The following FANCC variants were observed in gnomAD, a reference collection of about 807,000 sequenced individuals.
The protein encoded by FANCC is Fanconi anemia group C protein.
Under a neutral mutation model 71.3 loss-of-function variants are expected in FANCC, and 55 were observed. That is an observed-to-expected ratio of 0.77 (90% CI 0.62 to 0.97). The LOEUF (loss-of-function observed/expected upper bound fraction) is 0.97, where lower values mean the gene tolerates loss of function less well. FANCC is among the 50% of genes least tolerant of loss of function. The pLI is 0.00. For synonymous variants in FANCC, 275 were observed against 244.9 expected (o/e 1.12, Z -1.15); for missense variants, 678 against 670.9 (o/e 1.01, Z -0.12).
chr9:95,308,908 T>G (rs908257516), intron 1 of FANCC, among the ~76,000 whole-genome samples: 1 of 152,070 alleles, frequency 6.6e-6, no homozygotes, highest in African/African-American at 2.4e-5. Context: ...CTCAGGAGGC[T>G]CAGGTGGGAG....
At chr9:95,181,129 T>C (rs748004042) in intron 4 of FANCC, among the ~76,000 whole-genome samples, 3 of 148,406 alleles carry the variant, frequency 2.0e-5, no homozygotes, top group African/African-American at 5.0e-5. Context: ...CCTCTCTATA[T>C]ATACACATAC....
intron 1 of FANCC, among the ~76,000 whole-genome samples, chr9:95,252,824 G>A (rs962191976): frequency 2.0e-5 from 3 of 149,976 alleles, no homozygotes; most frequent in Non-Finnish European, 4.4e-5. Context: ...GGTCACAGGA[G>A]CATCGCTTGA....
rs143764615 is a variant in FANCC, at chr9:95,223,082, T to C, written c.345+17567A>G. On this transcript the variant is annotated intron_variant, in intron 4 of 14. Transcript: ENST00000289081. ...AATTTCAACACTGCTTTGGATAAACTATCAGTAACCATGGTTAACATTTTT... is the reference window on the plus strand; with the variant it reads ...AATTTCAACACTGCTTTGGATAAACCATCAGTAACCATGGTTAACATTTTT... Among the ~76,000 whole-genome samples the C allele has an allele frequency of 2.4e-4, 36 of 152,366 alleles. No individual in the cohort carries two copies. In the East Asian group the frequency reaches 6.4e-3, roughly 27 times the overall value.
intron 10 of FANCC, 80 bp downstream of exon 10, chr9:95,125,006 A>G: frequency 8.2e-7 from 1 of 1,223,500 alleles, no homozygotes; most frequent in African/African-American, 1.5e-5. Flanking sequence ...ATTATTGAAA[A>G]TAAAGTGCTC....
chr9:95,287,167 CCAAGGTTACATAT>C (rs1833740978), intron 1 of FANCC, among the ~76,000 whole-genome samples: 1 of 151,988 alleles, frequency 6.6e-6, no homozygotes, highest in African/African-American at 2.4e-5. Flanking sequence ...AATATCTTGC[CCAAGGTTACATAT>C]CATGTACGAG....
chr9:95,133,367 A>G (rs931004118), intron 8 of FANCC, among the ~76,000 whole-genome samples: 1 of 152,250 alleles, frequency 6.6e-6, no homozygotes, highest in Non-Finnish European at 1.5e-5. Flanking sequence ...AACACCCTCT[A>G]GAATCCCCCT....
At chr9:95,126,034 G>C (rs1187924580) in intron 9 of FANCC, among the ~76,000 whole-genome samples, 4 of 152,226 alleles carry the variant, frequency 2.6e-5, no homozygotes, top group Non-Finnish European at 5.9e-5. Flanking sequence ...TTCCCAAGAA[G>C]TACTCATATT....
In FANCC at chr9:95,100,815, G is replaced by GAGAT. The variant is rs2071047861; in HGVS notation, c.*888_*891dup. The GAGAT allele has an allele frequency of 8.8e-6, 2 of 226,908 alleles. No homozygotes were observed. The highest frequency in any genetic ancestry group is 8.8e-6 in the Non-Finnish European group (1 of 113,998). The allele number at this position is 226,908 out of a possible 1,614,324, so 14.1% of individuals were successfully genotyped here. A position where few individuals can be genotyped will look rare whatever the true frequency, so the allele number is the denominator to read the frequency against. On this transcript the variant is annotated 3_prime_UTR_variant, in exon 15 of 15. Transcript: ENST00000289081. ...CCCGATAATTTTTGTATTTTTAGTA[G>GAGAT]AGATAGGGTATTGCCATGTTAGCCA...
At chr9:95,233,270 AT>A (rs1383121215) in intron 4 of FANCC, among the ~76,000 whole-genome samples, 2 of 152,216 alleles carry the variant, frequency 1.3e-5, no homozygotes, top group Admixed American at 6.5e-5. Context: ...TAGAAAAAAA[AT>A]ATCAGTAATG....
chr9:95,155,894 T>TG (rs796170484), intron 6 of FANCC, among the ~76,000 whole-genome samples: 2 of 148,728 alleles, frequency 1.3e-5, no homozygotes, highest in South Asian at 2.1e-4. Flanking sequence ...TTTTTTGGGT[T>TG]TTTTTTTTTT....
intron 3 of FANCC, 105 bp from the exon 4 acceptor site, chr9:95,240,848 A>G: frequency 2.8e-6 from 2 of 719,424 alleles, no homozygotes; most frequent in South Asian, 1.6e-5. Context: ...CTAAGTTCAC[A>G]GAACAAGTAT....
intron 3 of FANCC, among the ~76,000 whole-genome samples, chr9:95,243,889 A>C (rs1414720270): frequency 6.6e-6 from 1 of 152,262 alleles, no homozygotes; most frequent in Non-Finnish European, 1.5e-5. Context: ...GACACAGGCA[A>C]CATCTGACTG....
chr9:95,111,848 C>T (rs2071965270), intron 12 of FANCC, among the ~76,000 whole-genome samples: 2 of 152,282 alleles, frequency 1.3e-5, no homozygotes, highest in South Asian at 4.1e-4. Flanking sequence ...TCTCAGGACC[C>T]CCGTGAGGCC....
chr9:95,300,840 C>A (rs1834678704), intron 1 of FANCC, among the ~76,000 whole-genome samples: 1 of 152,086 alleles, frequency 6.6e-6, no homozygotes, highest in Non-Finnish European at 1.5e-5. Flanking sequence ...GACACATCAG[C>A]GACTGGGGGC....
chr9:95,293,218 G>T, intron 1 of FANCC: 4 of 1,612,854 alleles, frequency 2.5e-6, no homozygotes, highest in Non-Finnish European at 3.4e-6. Context: ...CTCAAAAGTT[G>T]CTTTTACCAA....
chr9:95,235,828 G>A (rs1830287070), intron 4 of FANCC, among the ~76,000 whole-genome samples: 1 of 105,908 alleles, frequency 9.4e-6, no homozygotes, highest in South Asian at 3.7e-4. Context: ...TGGGCAACAA[G>A]AGTGAAACTC....
intron 1 of FANCC, among the ~76,000 whole-genome samples, chr9:95,289,117 T>G (rs369933702): frequency 1.7e-4 from 26 of 152,232 alleles, no homozygotes; most frequent in African/African-American, 5.8e-4. Flanking sequence ...ATAATGATAA[T>G]AAGAAGAGTA....
chr9:95,184,380 C>A (rs1020196565), intron 4 of FANCC, among the ~76,000 whole-genome samples: 1 of 151,996 alleles, frequency 6.6e-6, no homozygotes, highest in African/African-American at 2.4e-5. Flanking sequence ...CAAACAAAGA[C>A]AAACTAGAAA....
chr9:95,165,821 T>C (rs75483409), intron 6 of FANCC, among the ~76,000 whole-genome samples: 4,974 of 152,142 alleles, frequency 0.033, 285 homozygotes, highest in African/African-American at 0.11. Context: ...ATTCAAGTTC[T>C]ATTTTTTTAT....
Sources: gnomAD v4.1 joint callset for allele counts (sites outside exome capture counted in the v4.1 genomes callset) on GRCh38, gnomAD v4.1.1 for gene constraint, MANE v1.5 for transcripts, NCBI Gene and HGNC (gene_info 2026-07-23, HGNC 2026-07-21) for gene names.